The following ZNF420 variants were observed in gnomAD, a reference collection of about 807,000 sequenced individuals.
ZNF420 encodes ATM and p53-associated KZNF protein.
In ZNF420, 31 loss-of-function variants were observed where a neutral mutation model predicts 44.7. The observed-to-expected ratio is 0.69, with a 90% confidence interval of 0.52 to 0.94. The LOEUF (loss-of-function observed/expected upper bound fraction) is 0.94, where lower values mean the gene tolerates loss of function less well. ZNF420 is among the 40% of genes least tolerant of loss of function. The pLI is 0.00. For synonymous variants in ZNF420, 245 were observed against 267.4 expected, an observed-to-expected ratio of 0.92 and a Z score of 0.82; for missense variants, 681 against 827.9, an observed-to-expected ratio of 0.82 and a Z score of 2.18.
chr19:37,019,883 CAG>C (rs1037087397), intron 1 of ZNF420, among the ~76,000 whole-genome samples: 8 of 152,132 alleles, frequency 5.3e-5, no homozygotes, highest in African/African-American at 1.9e-4. Flanking sequence ...ACCCACGTGA[CAG>C]AGCAGGAGCA....
intron 4 of ZNF420, among the ~76,000 whole-genome samples, chr19:37,098,191 A>G (rs113867734): frequency 4.6e-5 from 7 of 152,210 alleles, no homozygotes; most frequent in African/African-American, 1.4e-4. Flanking sequence ...GGCTCAGGCA[A>G]TCTACCTGCC....
At chr19:37,078,235 G>A (rs1462478746), upstream of ZNF420, 2 of 152,396 alleles carry the variant, frequency 1.3e-5, no homozygotes, top group Non-Finnish European at 2.9e-5. Flanking sequence ...AACCTCCGGG[G>A]CGCTGCAGGC....
chr19:37,021,773 C>T (rs1203441135), intron 1 of ZNF420, among the ~76,000 whole-genome samples: 1 of 151,196 alleles, frequency 6.6e-6, no homozygotes, highest in African/African-American at 2.4e-5. Context: ...CCCATCTCTA[C>T]TAAAAATACA....
intron 4 of ZNF420, among the ~76,000 whole-genome samples, chr19:37,097,778 A>C (rs1302978009): frequency 6.6e-6 from 1 of 152,188 alleles, no homozygotes; most frequent in East Asian, 1.9e-4. Context: ...GTTATGCCTT[A>C]AATACACAGC....
intron 1 of ZNF420, among the ~76,000 whole-genome samples, chr19:37,028,631 C>A (rs1035298559): frequency 4.6e-5 from 7 of 152,146 alleles, no homozygotes; most frequent in Admixed American, 2.6e-4. Flanking sequence ...TCTTGAGGAT[C>A]TCTATTACTG....
chr19:37,075,907 C>A (rs1968138913), upstream of ZNF420, among the ~76,000 whole-genome samples: 1 of 152,122 alleles, frequency 6.6e-6, no homozygotes. Flanking sequence ...TTGTGTGTAT[C>A]CCTCTATAAA....
intron 4 of ZNF420, among the ~76,000 whole-genome samples, chr19:37,125,400 C>T (rs2145335656): frequency 6.6e-6 from 1 of 152,214 alleles, no homozygotes; most frequent in South Asian, 2.1e-4. Context: ...ATTGGAGAGG[C>T]ATATAGGATC....
chr19:37,082,097 T>A lies in ZNF420; in HGVS notation c.-81+1709T>A, dbSNP rs1488310734. On this transcript the variant is annotated intron_variant, in intron 2 of 4. Coordinates refer to ENST00000337995, the MANE Select transcript of ZNF420 (RefSeq NM_144689.5). Reference sequence around the variant, plus strand: ...GTTTGTGTTTGGTATTTCAAGTGCATTTCTTACAGGCAGCATGTAATTGGG... The same window carrying A: ...GTTTGTGTTTGGTATTTCAAGTGCAATTCTTACAGGCAGCATGTAATTGGG... Among the ~76,000 whole-genome samples, 3 of 152,216 alleles carry A rather than the reference T, an allele frequency of 2.0e-5. No homozygotes were observed. The East Asian group carries it at 5.8e-4, about 29-fold the overall frequency.
At chr19:37,066,816 G>A (rs1286532151) in intron 1 of ZNF420, among the ~76,000 whole-genome samples, 1 of 152,096 alleles carries the variant, frequency 6.6e-6, no homozygotes. Flanking sequence ...AATGAAAACA[G>A]ATGTTCATAA....
At chr19:37,126,012 T>G (rs554793219) in intron 4 of ZNF420, among the ~76,000 whole-genome samples, 21 of 152,316 alleles carry the variant, frequency 1.4e-4, no homozygotes, top group African/African-American at 4.3e-4. Context: ...TTTTCTAGAA[T>G]CATAAGACTT....
intron 1 of ZNF420, among the ~76,000 whole-genome samples, chr19:37,044,271 A>C (rs569337634): frequency 1.3e-5 from 2 of 152,296 alleles, no homozygotes; most frequent in Admixed American, 6.5e-5. Context: ...AACTCCAGCA[A>C]TTTGGGAGGC....
rs1349920228 is a variant in ZNF420 at position 37,118,343 on chromosome 19, C to A, written c.137-8785C>A. 3.9e-5 allele frequency among the ~76,000 whole-genome samples: 6 copies of A among 152,212 alleles called. No homozygotes were observed. The East Asian group carries it at 1.2e-3, about 29-fold the overall frequency. On this transcript the variant is annotated intron_variant, in intron 4 of 4. Coordinates refer to ENST00000337995, the MANE Select transcript of ZNF420 (RefSeq NM_144689.5). Reference sequence around the variant, plus strand: ...TCAACATTCTTAAAAGAATTTCCAACCCAGAATTTCATATCCAGCCAAACT... The same window carrying A: ...TCAACATTCTTAAAAGAATTTCCAAACCAGAATTTCATATCCAGCCAAACT...
chr19:37,105,511 G>GT (rs1239907042), intron 4 of ZNF420, among the ~76,000 whole-genome samples: 2 of 149,376 alleles, frequency 1.3e-5, no homozygotes, highest in East Asian at 3.9e-4. Context: ...TTGAACTTTA[G>GT]TTTTTTTCCA....
intron 4 of ZNF420, among the ~76,000 whole-genome samples, chr19:37,120,085 C>A (rs1302071788): frequency 1.3e-5 from 2 of 152,152 alleles, no homozygotes; most frequent in South Asian, 2.1e-4. Flanking sequence ...CTATTCCAAT[C>A]AATAGAAAAA....
At chr19:37,055,206 C>T (rs1378398878) in intron 1 of ZNF420, among the ~76,000 whole-genome samples, 1 of 152,100 alleles carries the variant, frequency 6.6e-6, no homozygotes, top group Admixed American at 6.5e-5. Context: ...ATAGTAAGTC[C>T]CCATTCATAC....
chr19:37,056,431 C>T (rs1455305489), intron 1 of ZNF420, among the ~76,000 whole-genome samples: 1 of 152,174 alleles, frequency 6.6e-6, no homozygotes, highest in African/African-American at 2.4e-5. Flanking sequence ...CCCATCTTCT[C>T]TTGGGGACGC....
intron 4 of ZNF420, among the ~76,000 whole-genome samples, chr19:37,118,115 A>G (rs1281597780): frequency 7.2e-5 from 11 of 152,208 alleles, no homozygotes; most frequent in Non-Finnish European, 1.6e-4. Flanking sequence ...TTCAGGAAAT[A>G]CAGAGAACGC....
At chr19:37,010,144 C>CT (rs1189445971) in intron 1 of ZNF420, among the ~76,000 whole-genome samples, 5 of 152,204 alleles carry the variant, frequency 3.3e-5, no homozygotes, top group Admixed American at 1.3e-4. Context: ...GTCCCTGAGG[C>CT]TTGGCAAAGC....
intron 1 of ZNF420, among the ~76,000 whole-genome samples, chr19:37,054,048 CT>C (rs1215771567): frequency 1.3e-5 from 2 of 152,230 alleles, no homozygotes; most frequent in African/African-American, 4.8e-5. Flanking sequence ...CTACTGACGC[CT>C]TGGCAATGGC....
Sources: allele counts gnomAD v4.1 joint callset (sites outside exome capture counted in the v4.1 genomes callset), GRCh38; gene constraint gnomAD v4.1.1; transcripts MANE v1.5; gene names NCBI Gene and HGNC (gene_info 2026-07-23, HGNC 2026-07-21).